SULF1: variants seen among roughly 807,000 people sequenced by gnomAD.
The protein encoded by SULF1 is sulfatase 1, also known as extracellular sulfatase Sulf-1.
Under a neutral mutation model 110.5 loss-of-function variants are expected in SULF1, and 46 were observed. The ratio of observed to expected loss-of-function variants is 0.42; its 90% CI spans 0.33 to 0.53. The LOEUF is 0.53. SULF1 is among the 20% of genes least tolerant of loss of function. SULF1 has a pLI of 0.12. For synonymous variants in SULF1, 371 were observed against 387.1 expected (o/e 0.96, Z 0.49); for missense variants, 941 against 1,094.2 (o/e 0.86, Z 1.98).
rs760587927 is a variant in SULF1 at position 69,638,765 on chromosome 8, G to C, written c.2458G>C (p.Gly820Arg). Residue 820 changes from glycine (G) to arginine (R), a missense_variant, in exon 21 of 23, where the codon GGC becomes CGC. Around this residue, in one of 3 missense-constraint regions of SULF1, gnomAD observed 112 missense variants for 133.5 expected, o/e 0.84. Transcript: ENST00000402687. Reference sequence around the variant, plus strand: ...AAATACAGTGCACACGGTAGAACGAGGCATTTTGAATCAGCTACACGTACA... The same window carrying C: ...AAATACAGTGCACACGGTAGAACGACGCATTTTGAATCAGCTACACGTACA... Reference protein sequence around the residue: ...LTNTVHTVERGILNQLHVQLM... With the variant: ...LTNTVHTVERRILNQLHVQLM... 7.4e-6 allele frequency: 12 copies of C among 1,614,098 alleles called. 1 individual carries two copies. The South Asian group carries it at 1.3e-4, about 18-fold the overall frequency.
intron 13 of SULF1, among the ~76,000 whole-genome samples, chr8:69,609,578 A>C (rs1477302797): frequency 6.6e-6 from 1 of 152,228 alleles, no homozygotes; most frequent in Non-Finnish European, 1.5e-5. Context: ...TCTGATAAGG[A>C]AATTTAGGTC....
Position 69,638,840 on chromosome 8 carries a change from C to A in SULF1, c.2533C>A (p.Pro845Thr), listed in dbSNP as rs749673342. 6.2e-7 allele frequency: 1 copy of A among 1,607,902 alleles called. No individual in the cohort carries two copies. The highest frequency in any genetic ancestry group is 8.5e-7 in the Non-Finnish European group (1 of 1,178,526). The change falls in exon 21 of 23, where the codon CCT becomes ACT. Residue 845 changes from proline to threonine, a missense_variant. Physicochemically the swap from Pro to Thr is conservative, Grantham distance 38. Around this residue, in one of 3 missense-constraint regions of SULF1, gnomAD observed 112 missense variants for 133.5 expected, o/e 0.84. Transcript: ENST00000402687. Reference protein sequence around the residue: ...CQGYKQCNPRPKNLDVGNKDG... With the variant: ...CQGYKQCNPRTKNLDVGNKDG... Reference sequence around the variant, plus strand: ...AGGATATAAGCAGTGCAACCCAAGACCTAAGAATCTTGATGTTGGTAAGGA... The same window carrying A: ...AGGATATAAGCAGTGCAACCCAAGAACTAAGAATCTTGATGTTGGTAAGGA...
intron 1 of SULF1, among the ~76,000 whole-genome samples, chr8:69,486,264 G>A (rs1428495210): frequency 6.6e-6 from 1 of 151,944 alleles, no homozygotes; most frequent in African/African-American, 2.4e-5. Context: ...TTTCCTTTCA[G>A]ATTTTGTAAT....
chr8:69,535,557 G>A (rs1388671391), intron 3 of SULF1, among the ~76,000 whole-genome samples: 1 of 152,094 alleles, frequency 6.6e-6, no homozygotes, highest in African/African-American at 2.4e-5. Context: ...TCCTGGAAAG[G>A]AAAAAGGCAA....
In SULF1 at chr8:69,630,959, C is replaced by G. The variant is rs151236489; in HGVS notation, c.2284+1280C>G. 6.9e-4 allele frequency among the ~76,000 whole-genome samples: 104 copies of G among 150,724 alleles called. 1 individual carries two copies. Among genetic ancestry groups the G allele is most frequent in the African/African-American group, 2.4e-3 (99 of 41,020 alleles). On this transcript the variant is annotated intron_variant, in intron 19 of 22. Transcript: ENST00000402687. ...TATTAGGTATATCTCCTAATGCTAT[C>G]CCTCCCCCCTGCCCCCACCCTGCAA...
chr8:69,627,846 A>G lies in SULF1; in HGVS notation c.2022A>G (p.Glu674=). 1.9e-6 allele frequency: 3 copies of G among 1,613,004 alleles called. No homozygotes were observed. The highest frequency in any genetic ancestry group is 2.5e-6 in the Non-Finnish European group (3 of 1,179,524). Residue 674 remains glutamate (E), a synonymous_variant, in exon 17 of 23, where the codon GAA becomes GAG. Coordinates refer to ENST00000402687, the MANE Select transcript of SULF1 (RefSeq NM_001128205.2). The part of the protein sequence containing the change: ...RGHLKRRKPE[E]CSCSKQSYYN... ...ATCTGAAGAGAAGGAAGCCTGAGGA[A>G]TGTAGCTGCAGTAAACAAAGGTGAG... is the stretch of plus-strand genomic sequence containing the variant.
intron 6 of SULF1, among the ~76,000 whole-genome samples, chr8:69,585,711 A>G (rs1806405324): frequency 1.3e-5 from 2 of 152,208 alleles, no homozygotes; most frequent in Admixed American, 1.3e-4. Flanking sequence ...TAGTAACTCT[A>G]TGTTGACAGA....
intron 14 of SULF1, among the ~76,000 whole-genome samples, chr8:69,622,454 C>T (rs1586572607): frequency 1.3e-5 from 2 of 152,070 alleles, no homozygotes; most frequent in East Asian, 3.9e-4. Context: ...TGGTGGCACA[C>T]GCCTGTAATG....
intron 1 of SULF1, among the ~76,000 whole-genome samples, chr8:69,495,118 A>G (rs756459224): frequency 2.6e-5 from 4 of 152,224 alleles, no homozygotes; most frequent in Non-Finnish European, 4.4e-5. Context: ...AAGAGGAGGT[A>G]CTGGTTTATG....
chr8:69,511,949 T>G (rs1811596778), intron 3 of SULF1, among the ~76,000 whole-genome samples: 1 of 152,138 alleles, frequency 6.6e-6, no homozygotes, highest in African/African-American at 2.4e-5. Flanking sequence ...TGCCCTTCTA[T>G]TTTGCCATTA....
intron 5 of SULF1, among the ~76,000 whole-genome samples, chr8:69,574,072 C>T (rs368121097): frequency 6.6e-6 from 1 of 151,050 alleles, no homozygotes; most frequent in South Asian, 2.1e-4. Context: ...CTCCTCAATC[C>T]ACACACCACC....
chr8:69,651,056 C>CTTTTTTTT (rs1473830022), intron 22 of SULF1, among the ~76,000 whole-genome samples: 1 of 137,480 alleles, frequency 7.3e-6, no homozygotes, highest in African/African-American at 2.8e-5. Context: ...TTTTTCTTTT[C>CTTTTTTTT]TTTTTTTTTT....
chr8:69,580,299 T>A (rs1805973017), intron 6 of SULF1, among the ~76,000 whole-genome samples: 1 of 152,194 alleles, frequency 6.6e-6, no homozygotes, highest in Non-Finnish European at 1.5e-5. Flanking sequence ...TTATCCTGCC[T>A]GAAATCAGCT....
upstream of SULF1, chr8:69,492,723 T>G (rs1810010704): frequency 6.6e-6 from 1 of 152,572 alleles, no homozygotes; most frequent in Admixed American, 6.5e-5. Flanking sequence ...TAGTGTAACT[T>G]CTGCCTCTGC....
chr8:69,579,869 TAATG>T (rs762128211), intron 6 of SULF1, among the ~76,000 whole-genome samples: 13 of 152,194 alleles, frequency 8.5e-5, no homozygotes, highest in Non-Finnish European at 1.9e-4. Flanking sequence ...GCTTTCCTAA[TAATG>T]AATTTATTAT....
chr8:69,652,147 C>G (rs944571384), intron 22 of SULF1, among the ~76,000 whole-genome samples: 1 of 152,148 alleles, frequency 6.6e-6, no homozygotes, highest in African/African-American at 2.4e-5. Context: ...TTCTCTACCC[C>G]TCCTTCCTAC....
intron 21 of SULF1, among the ~76,000 whole-genome samples, chr8:69,640,594 C>G: frequency 6.6e-6 from 1 of 151,794 alleles, no homozygotes; most frequent in East Asian, 1.9e-4. Context: ...CATATGAACT[C>G]TTATTTTTTT....
chr8:69,538,111 G>A (rs755239088), intron 3 of SULF1, among the ~76,000 whole-genome samples: 20 of 152,122 alleles, frequency 1.3e-4, no homozygotes, highest in Non-Finnish European at 2.6e-4. Context: ...ACAGGCACCA[G>A]CCACCTCGCC....
At chr8:69,592,061 C>G (rs1405476249) in intron 8 of SULF1, among the ~76,000 whole-genome samples, 1 of 152,038 alleles carries the variant, frequency 6.6e-6, no homozygotes, top group African/African-American at 2.4e-5. Context: ...GAGGGAGAAG[C>G]CTTCATATCT....
Sources: gnomAD v4.1 joint callset for allele counts (sites outside exome capture counted in the v4.1 genomes callset) on GRCh38, gnomAD v4.1.1 for gene constraint, gnomAD v4.1.1 regional missense constraint, MANE v1.5 for transcripts, NCBI Gene and HGNC (gene_info 2026-07-23, HGNC 2026-07-21) for gene names.